USP29: variants seen among roughly 807,000 people sequenced by gnomAD.
The protein encoded by USP29 is ubiquitin carboxyl-terminal hydrolase 29.
For synonymous variants in USP29, 386 were observed against 387.4 expected (o/e 1.00, Z 0.04); for missense variants, 1,102 against 1,069.0 (o/e 1.03, Z -0.43).
chr19:57,124,340 A>G (rs1417964802), intron 3 of USP29, among the ~76,000 whole-genome samples: 1 of 138,062 alleles, frequency 7.2e-6, no homozygotes, highest in African/African-American at 2.8e-5. Context: ...CTTTCCCTTC[A>G]TGTTTTTTTT....
Position 57,130,954 on chromosome 19 carries a change from C to T in USP29, c.2279C>T (p.Ala760Val), listed in dbSNP as rs1427622094. The change falls in exon 4 of 4, where the codon GCC becomes GTC. Residue 760 changes from alanine to valine, a missense_variant. By Grantham distance (64) the Ala-to-Val change is moderately conservative. Transcript: ENST00000254181. ...CCTCCAGGTGTTAGGAAGCTGGATG[C>T]CCAGGAACATACAGAAGAGACCCTC... ...APPPGVRKLD[A>V]QEHTEETLNQ... 1 of 1,614,132 alleles carries T rather than the reference C, an allele frequency of 6.2e-7. No individual in the cohort carries two copies. Among genetic ancestry groups the T allele is most frequent in the South Asian group, 1.1e-5 (1 of 91,080 alleles).
chr19:57,124,882 A>G (rs917158709), intron 3 of USP29, among the ~76,000 whole-genome samples: 2 of 152,222 alleles, frequency 1.3e-5, no homozygotes, highest in South Asian at 2.1e-4. Flanking sequence ...AGAGTGATGT[A>G]GTACAACAAA....
At position 57,130,934 on chromosome 19, in the gene USP29, A is replaced by G. The variant is rs905533406; in HGVS notation, c.2259A>G (p.Pro753=). The G allele has an allele frequency of 6.2e-7, 1 of 1,614,202 alleles. No homozygotes were observed. Among genetic ancestry groups the G allele is most frequent in the Non-Finnish European group, 8.5e-7 (1 of 1,180,048 alleles). The change falls in exon 4 of 4, where the codon CCA becomes CCG. Residue 753 remains proline (P), a synonymous_variant. Transcript: ENST00000254181. ...AATTTCTTCAGCAGGCACCACCTCCAGGTGTTAGGAAGCTGGATGCCCAGG... is the reference window on the plus strand; with the variant it reads ...AATTTCTTCAGCAGGCACCACCTCCGGGTGTTAGGAAGCTGGATGCCCAGG... ...IDEFLQQAPP[P]GVRKLDAQEH...
chr19:57,125,155 C>T (rs2086817216), intron 3 of USP29, among the ~76,000 whole-genome samples: 1 of 152,080 alleles, frequency 6.6e-6, no homozygotes, highest in Non-Finnish European at 1.5e-5. Context: ...AGTGGTGAAG[C>T]CAGGCTTTCC....
upstream of USP29, chr19:57,119,113 C>T (rs1442051568): frequency 5.2e-5 from 8 of 152,432 alleles, no homozygotes; most frequent in African/African-American, 1.9e-4. Flanking sequence ...CGGGACAGGG[C>T]CACAAATGAC....
chr19:57,120,796 A>AAAAAAAAAAAAAAAAAAC, intron 1 of USP29, among the ~76,000 whole-genome samples: 1 of 146,146 alleles, frequency 6.8e-6, no homozygotes, highest in African/African-American at 2.5e-5. Flanking sequence ...CTCAAAAAAA[A>AAAAAAAAAAAAAAAAAAC]AAAAAAAAAA....
intron 3 of USP29, among the ~76,000 whole-genome samples, chr19:57,127,339 C>A (rs2086828986): frequency 6.6e-6 from 1 of 152,198 alleles, no homozygotes; most frequent in African/African-American, 2.4e-5. Flanking sequence ...TCTTCAGAGC[C>A]AGCAGGCAGA....
intron 1 of USP29, among the ~76,000 whole-genome samples, chr19:57,121,125 A>T (rs1233362928): frequency 1.3e-5 from 2 of 151,554 alleles, no homozygotes; most frequent in African/African-American, 4.8e-5. Flanking sequence ...CGCCAAAAAA[A>T]AAAAAGAAAA....
At chr19:57,122,193 T>C (rs1416430379) in intron 1 of USP29, 132 bp from the exon 2 acceptor site, 1 of 152,126 alleles carries the variant, frequency 6.6e-6, no homozygotes. Flanking sequence ...TATTTTAAAC[T>C]CTTACACAGA....
Position 57,127,075 on chromosome 19 carries a change from C to T in USP29, c.-16-1585C>T, listed in dbSNP as rs182496319. On this transcript the variant is annotated intron_variant, in intron 3 of 3. Coordinates refer to ENST00000254181, the MANE Select transcript of USP29 (RefSeq NM_020903.3). Reference sequence around the variant, plus strand: ...TCCAGACCCTTTTCACCTGGGTATCCCCAGCGGAGGCTGCAGAGCTGCAGA... The same window carrying T: ...TCCAGACCCTTTTCACCTGGGTATCTCCAGCGGAGGCTGCAGAGCTGCAGA... Among the ~76,000 whole-genome samples the T allele has an allele frequency of 3.7e-4, 56 of 152,276 alleles. 1 individual carries two copies. Among genetic ancestry groups the T allele is most frequent in the African/African-American group, 1.3e-3 (54 of 41,560 alleles).
In USP29 at chr19:57,129,636, G is replaced by A. The variant is rs2086844099; in HGVS notation, c.961G>A (p.Glu321Lys). ...DDLLTQGVPW[E>K]YIPFEALIMT... The stretch of plus-strand genomic sequence containing the variant: ...CTTACTCACTCAAGGTGTCCCATGG[G>A]AATATATTCCCTTTGAGGCTCTTAT... Residue 321 changes from glutamate (E) to lysine (K), a missense_variant, in exon 4 of 4, where the codon GAA becomes AAA. Transcript: ENST00000254181. 2 of 1,614,044 alleles carry A rather than the reference G, an allele frequency of 1.2e-6. No individual in the cohort carries two copies. The highest frequency in any genetic ancestry group is 1.3e-5 in the African/African-American group (1 of 74,912).
In USP29 at chr19:57,130,421, G is replaced by A; in HGVS notation, c.1746G>A (p.Lys582=). 6.2e-7 allele frequency: 1 copy of A among 1,614,202 alleles called. No individual in the cohort carries two copies. Among genetic ancestry groups the A allele is most frequent in the Non-Finnish European group, 8.5e-7 (1 of 1,180,034 alleles). Residue 582 remains lysine (K), a synonymous_variant, in exon 4 of 4, where the codon AAG becomes AAA. Transcript: ENST00000254181. The stretch of plus-strand genomic sequence containing the variant: ...ACAGCCCATTGACACCATCAATGAA[G>A]CTGACCTCAGAATCCAGTGATTCCC... ...EINSPLTPSM[K]LTSESSDSLV...
intron 3 of USP29, among the ~76,000 whole-genome samples, chr19:57,127,232 G>T (rs1412581006): frequency 6.6e-6 from 1 of 152,198 alleles, no homozygotes; most frequent in East Asian, 1.9e-4. Flanking sequence ...CAGTTAGAAG[G>T]CACGGGGGTC....
At chr19:57,124,490 T>TG (rs1407119713) in intron 3 of USP29, among the ~76,000 whole-genome samples, 2 of 144,090 alleles carry the variant, frequency 1.4e-5, no homozygotes, top group African/African-American at 5.1e-5. Context: ...TTTTCTTTTT[T>TG]GTTTTTTTTT....
Position 57,131,664 on chromosome 19 carries a change from G to T in USP29, c.*220G>T. On this transcript the variant is annotated 3_prime_UTR_variant, in exon 4 of 4. Transcript: ENST00000254181. ...ATATTTTCCCTGCAAGATTAGAATG[G>T]TGCTCTTCACGTTTTGACGGTGGTT... 1 of 665,728 alleles carries T rather than the reference G, an allele frequency of 1.5e-6. No individual in the cohort carries two copies. Among genetic ancestry groups the T allele is most frequent in the Non-Finnish European group, 2.4e-6 (1 of 421,362 alleles). The allele number at this position is 665,728 out of a possible 1,614,324, so 41.2% of individuals were successfully genotyped here.
intron 3 of USP29, among the ~76,000 whole-genome samples, chr19:57,125,278 T>C (rs888152735): frequency 9.9e-5 from 15 of 152,090 alleles, no homozygotes; most frequent in African/African-American, 3.4e-4. Context: ...TGCTGAGGAG[T>C]GTTTTACTTC....
At position 57,123,733 on chromosome 19, in the gene USP29, ATGT is replaced by A. The variant is rs1192048616; in HGVS notation, c.-117-301_-117-299del. Among the ~76,000 whole-genome samples the A allele has an allele frequency of 3.3e-5, 5 of 152,294 alleles. No individual in the cohort carries two copies. The East Asian group carries it at 7.7e-4, about 24-fold the overall frequency. On this transcript the variant is annotated intron_variant, in intron 2 of 3. Coordinates refer to ENST00000254181, the MANE Select transcript of USP29 (RefSeq NM_020903.3). ...AAGTATAAGGTTTCTCAAACAACAA[ATGT>A]TGTTAGAAGGTCTTGTTGTGGCAGA...
intron 2 of USP29, 143 bp from the exon 3 acceptor site, chr19:57,123,896 C>G (rs1305262707): frequency 6.6e-6 from 1 of 152,154 alleles, no homozygotes; most frequent in East Asian, 1.9e-4. Flanking sequence ...ATTAAATTAA[C>G]GTAAACGACT....
intron 2 of USP29, among the ~76,000 whole-genome samples, chr19:57,123,534 G>A (rs2086808431): frequency 6.6e-6 from 1 of 152,168 alleles, no homozygotes; most frequent in East Asian, 1.9e-4. Context: ...CAGCCTTAGT[G>A]TTAGAAAAGC....
Sources: allele counts gnomAD v4.1 joint callset (sites outside exome capture counted in the v4.1 genomes callset), GRCh38; gene constraint gnomAD v4.1.1; transcripts MANE v1.5; gene names NCBI Gene and HGNC (gene_info 2026-07-23, HGNC 2026-07-21).